The following LRRFIP1 variants were observed in gnomAD, a reference collection of about 807,000 sequenced individuals.
The protein encoded by LRRFIP1 is leucine-rich repeat flightless-interacting protein 1.
LRRFIP1 carries 62 observed loss-of-function variants against 104.4 expected under a neutral mutation model. The ratio of observed to expected loss-of-function variants is 0.59; its 90% CI spans 0.48 to 0.73. The LOEUF (loss-of-function observed/expected upper bound fraction) is 0.73. Among genes scored for constraint, LRRFIP1 ranks in the 30% least tolerant of loss-of-function variants. The probability of loss-of-function intolerance (pLI) is 0.00; values close to 1 mark genes in which losing one functional copy is unlikely to be tolerated. For missense variants in LRRFIP1, 796 were observed against 824.5 expected, an observed-to-expected ratio of 0.97 and a Z score of 0.42; for synonymous variants, 300 against 299.0, an observed-to-expected ratio of 1.00 and a Z score of -0.03.
At chr2:237,634,207 T>C (rs901858104) in intron 1 of LRRFIP1, among the ~76,000 whole-genome samples, 2 of 152,226 alleles carry the variant, frequency 1.3e-5, no homozygotes, top group African/African-American at 4.8e-5. Flanking sequence ...GATCTGGTAA[T>C]GATCTCCTTG....
intron 1 of LRRFIP1, among the ~76,000 whole-genome samples, chr2:237,668,914 TTTTG>T (rs1447880835): frequency 2.0e-5 from 3 of 152,188 alleles, no homozygotes; most frequent in Admixed American, 6.5e-5. Flanking sequence ...CCTGTTAACA[TTTTG>T]TTTATTTTTC....
intron 1 of LRRFIP1, chr2:237,692,247 C>G: frequency 8.8e-7 from 1 of 1,132,686 alleles, no homozygotes; most frequent in Non-Finnish European, 1.1e-6. Flanking sequence ...GCCACCTGCG[C>G]CCCGCCCCTG....
intron 22 of LRRFIP1, among the ~76,000 whole-genome samples, chr2:237,773,584 C>A (rs909023459): frequency 1.3e-5 from 2 of 152,056 alleles, no homozygotes; most frequent in Non-Finnish European, 2.9e-5. Context: ...ATTAAAAAAA[C>A]ACATCATACT....
At chr2:237,685,372 C>A (rs952670945) in intron 1 of LRRFIP1, among the ~76,000 whole-genome samples, 2 of 152,130 alleles carry the variant, frequency 1.3e-5, no homozygotes, top group Non-Finnish European at 2.9e-5. Flanking sequence ...TTTAAGTATG[C>A]CTCAGAGTGT....
intron 1 of LRRFIP1, among the ~76,000 whole-genome samples, chr2:237,682,935 C>T (rs2091982241): frequency 1.3e-5 from 2 of 152,216 alleles, no homozygotes. Context: ...GTGGGCACCT[C>T]GGATGCAGGT....
intron 1 of LRRFIP1, among the ~76,000 whole-genome samples, chr2:237,637,360 C>CG (rs2083264057): frequency 6.6e-6 from 1 of 152,004 alleles, no homozygotes; most frequent in African/African-American, 2.4e-5. Flanking sequence ...CTCAGCTACT[C>CG]GGGGGGCTGA....
rs750271038 is a variant in LRRFIP1, at chr2:237,727,922, G to C, written c.431G>C (p.Arg144Thr). 4.3e-6 allele frequency: 7 copies of C among 1,611,498 alleles called. No homozygotes were observed. The Middle Eastern group carries it at 9.9e-4, about 228-fold the overall frequency. ...GELYGSQSLN[R>T]RSGRPSCLYS... ...TTGTATGGATCACAGTCCCTGAATA[G>C]AAGATCTGGCAGGGTTAGTATAGTA... The change falls in exon 8 of 24, where the codon AGA becomes ACA. Residue 144 changes from arginine to threonine, a missense_variant. Physicochemically the swap from Arg to Thr is moderately conservative, Grantham distance 71 (BLOSUM62 -1). Transcript: ENST00000308482.
chr2:237,772,984 T>G lies in LRRFIP1; in HGVS notation c.1707+39T>G. The G allele has an allele frequency of 3.3e-6, 5 of 1,526,880 alleles. No individual in the cohort carries two copies. The South Asian group carries it at 5.7e-5, about 17-fold the overall frequency. 94.6% of individuals were successfully genotyped at this position (1,526,880 alleles called of 1,614,324 possible). ...ACAACGGGCAGAACTGATGATTGAC[T>G]GGAGTTTTACTTGCTAGAAATAGCC... On this transcript the variant is annotated intron_variant, in intron 22 of 23. Transcript: ENST00000308482.
intron 11 of LRRFIP1, among the ~76,000 whole-genome samples, chr2:237,744,816 G>A (rs1455401631): frequency 1.3e-5 from 2 of 152,258 alleles, no homozygotes; most frequent in Non-Finnish European, 2.9e-5. Context: ...TGTGTTCGGC[G>A]CTGTCGCCCT....
intron 1 of LRRFIP1, among the ~76,000 whole-genome samples, chr2:237,642,388 G>T (rs1334313798): frequency 1.3e-5 from 2 of 152,086 alleles, no homozygotes; most frequent in Non-Finnish European, 2.9e-5. Context: ...TGAGGGTTTT[G>T]GTTCTGGGTT....
At chr2:237,733,307 C>T (rs1252012083) in intron 8 of LRRFIP1, among the ~76,000 whole-genome samples, 9 of 152,236 alleles carry the variant, frequency 5.9e-5, no homozygotes, top group Non-Finnish European at 4.4e-5. Context: ...CCCTTTGTGT[C>T]TTGAAGACTG....
At chr2:237,707,680 C>G (rs937681295) in intron 1 of LRRFIP1, among the ~76,000 whole-genome samples, 4 of 152,164 alleles carry the variant, frequency 2.6e-5, no homozygotes, top group Admixed American at 2.0e-4. Context: ...AATACGCATG[C>G]AGTTTTTAAA....
intron 1 of LRRFIP1, among the ~76,000 whole-genome samples, chr2:237,673,078 G>A (rs1326823358): frequency 6.6e-6 from 1 of 152,212 alleles, no homozygotes; most frequent in South Asian, 2.1e-4. Flanking sequence ...CTTCTCTTCA[G>A]GTGAAATGAA....
Position 237,719,408 on chromosome 2 carries a change from A to G in LRRFIP1, c.250-115A>G, listed in dbSNP as rs546909588. Reference sequence around the variant, plus strand: ...TGAAGGCAAAGAAAATATTTATGTGACATTTAGATCAGAACTGCTGTATTA... The same window carrying G: ...TGAAGGCAAAGAAAATATTTATGTGGCATTTAGATCAGAACTGCTGTATTA... On this transcript the variant is annotated intron_variant, in intron 4 of 23. Transcript: ENST00000308482. 149 of 646,160 alleles carry G rather than the reference A, an allele frequency of 2.3e-4. 3 individuals carry two copies. Among genetic ancestry groups the G allele is most frequent in the South Asian group, 1.9e-3 (97 of 51,964 alleles). The allele number at this position is 646,160 out of a possible 1,614,324, so 40.0% of individuals were successfully genotyped here. A position where few individuals can be genotyped will look rare whatever the true frequency, so the allele number is the denominator to read the frequency against.
chr2:237,704,326 G>C (rs2093698619), intron 1 of LRRFIP1, among the ~76,000 whole-genome samples: 1 of 151,828 alleles, frequency 6.6e-6, no homozygotes, highest in African/African-American at 2.4e-5. Context: ...CTAATTTTTT[G>C]TATTTTTAGT....
Position 237,733,812 on chromosome 2 carries a change from T to A in LRRFIP1, c.483T>A (p.Ser161Arg), listed in dbSNP as rs765215152. ...CLYSAARPSG[S>R]YRASVLDEGS... ...ACAGCGCTGCCCGGCCTTCGGGGAG[T>A]TACCGGGTGCGTGTGCTGCCCACCC... is the stretch of plus-strand genomic sequence containing the variant. Residue 161 changes from serine to arginine, a missense_variant, in exon 9 of 24, where the codon AGT becomes AGA. By Grantham distance (110) the Ser-to-Arg change is moderately radical. Coordinates refer to ENST00000308482, the MANE Select transcript of LRRFIP1 (RefSeq NM_001137550.2). 2.1e-5 allele frequency: 34 copies of A among 1,614,008 alleles called. 1 individual carries two copies. The South Asian group carries it at 3.5e-4, about 17-fold the overall frequency.
At position 237,717,797 on chromosome 2, in the gene LRRFIP1, C is replaced by T. The variant is rs372671686; in HGVS notation, c.237C>T (p.Ile79=). The T allele has an allele frequency of 1.0e-4, 165 of 1,612,412 alleles. No homozygotes were observed. The African/African-American group carries it at 1.7e-3, about 16-fold the overall frequency. The change falls in exon 4 of 24, where the codon ATC becomes ATT. Residue 79 remains isoleucine, a synonymous_variant. Coordinates refer to ENST00000308482, the MANE Select transcript of LRRFIP1 (RefSeq NM_001137550.2). The surrounding 1 kb of genome is among the most constrained non-coding windows in gnomAD (Gnocchi z 4.2). ...GGCTGGATACAAAATGGGGTGACATCGAGCAGTGGATGGTAGGCCTTGAAT... is the reference window on the plus strand; with the variant it reads ...GGCTGGATACAAAATGGGGTGACATTGAGCAGTGGATGGTAGGCCTTGAAT... ...YYGLDTKWGD[I]EQWMEDSERY...
In LRRFIP1 at chr2:237,751,235, A is replaced by G. The variant is rs1391997457; in HGVS notation, c.831A>G (p.Val277=). 4 of 1,610,798 alleles carry G rather than the reference A, an allele frequency of 2.5e-6. No homozygotes were observed. The highest frequency in any genetic ancestry group is 2.7e-5 in the African/African-American group (2 of 74,904). ...LNELKDQIQD[V]EGKYMQGLKE... is the part of the protein sequence containing the mutation. ...AGTTAAAGGACCAGATTCAGGATGT[A>G]GAAGGCAAATACATGCAGGGATTGA... Residue 277 remains valine, a synonymous_variant, in exon 14 of 24, where the codon GTA becomes GTG. Coordinates refer to ENST00000308482, the MANE Select transcript of LRRFIP1 (RefSeq NM_001137550.2).
At chr2:237,676,694 G>A (rs1315399116) in intron 1 of LRRFIP1, among the ~76,000 whole-genome samples, 1 of 152,166 alleles carries the variant, frequency 6.6e-6, no homozygotes, top group Non-Finnish European at 1.5e-5. Flanking sequence ...GTAGAGATTG[G>A]GTTTCACCCT....
Sources: gnomAD v4.1 joint callset for allele counts (sites outside exome capture counted in the v4.1 genomes callset) on GRCh38, gnomAD v4.1.1 for gene constraint, Gnocchi (gnomAD v3.1) non-coding constraint, MANE v1.5 for transcripts, NCBI Gene and HGNC (gene_info 2026-07-23, HGNC 2026-07-21) for gene names.